The following MYH7 variants were observed in gnomAD, a reference collection of about 807,000 sequenced individuals.
MYH7 encodes myosin-7.
A neutral mutation model predicts 225.4 loss-of-function variants in MYH7; 129 were observed. That is an observed-to-expected ratio of 0.57 (90% CI 0.50 to 0.66). The LOEUF (loss-of-function observed/expected upper bound fraction) is 0.66, where lower values mean the gene tolerates loss of function less well. MYH7 is among the 30% of genes least tolerant of loss of function. MYH7 has a pLI of 0.00. For synonymous variants in MYH7, 971 were observed against 1,007.6 expected (o/e 0.96, Z 0.69); for missense variants, 1,649 against 2,517.0 (o/e 0.66, Z 7.38).
intron 31 of MYH7, 68 bp from the exon 32 acceptor site, chr14:23,417,386 AC>A: frequency 6.2e-7 from 1 of 1,611,636 alleles, no homozygotes; most frequent in Non-Finnish European, 8.5e-7. Context: ...CTGTCTCAGG[AC>A]CTGCCTGGGC....
At chr14:23,422,408 T>TAAATCTTTGTGTTCAGGACTTGGG in intron 24 of MYH7, 83 bp from the exon 25 acceptor site, 1 of 1,595,240 alleles carries the variant, frequency 6.3e-7, no homozygotes, top group Non-Finnish European at 8.6e-7. Flanking sequence ...CAGGACTTGG[T>TAAATCTTTGTGTTCAGGACTTGGG]AAATCTTTGT....
chr14:23,435,420 C>T (rs1428131323), intron 1 of MYH7, among the ~76,000 whole-genome samples, 200 bp downstream of exon 1: 1 of 151,848 alleles, frequency 6.6e-6, no homozygotes, highest in South Asian at 2.1e-4. Context: ...ATATTGGTCC[C>T]ATATGCTCAG....
At chr14:23,422,574 C>CCTTTCTTTCTTTCTTTCTTTCTTTCTTT (rs138565959) in intron 24 of MYH7, among the ~76,000 whole-genome samples, 6 of 146,786 alleles carry the variant, frequency 4.1e-5, no homozygotes, top group African/African-American at 1.6e-4. Context: ...TCTTTCTTTC[C>CCTTTCTTTCTTTCTTTCTTTCTTTCTTT]CTTTCTTTCT....
Position 23,414,102 on chromosome 14 carries a change from T to A in MYH7, c.5560A>T (p.Thr1854Ser). The A allele has an allele frequency of 6.2e-7, 1 of 1,612,078 alleles. No homozygotes were observed. Among genetic ancestry groups the A allele is most frequent in the Non-Finnish European group, 8.5e-7 (1 of 1,179,966 alleles). Residue 1854 changes from threonine (T) to serine (S), a missense_variant and splice_region_variant, in exon 38 of 40, where the codon ACG becomes TCG. This residue lies in a region of MYH7 where 687 missense variants were observed against 913.8 expected (regional missense o/e 0.75). Coordinates refer to ENST00000355349, the MANE Select transcript of MYH7 (RefSeq NM_000257.4). ...ERRIKELTYQ[T>S]EEDRKNLLRL... Reference sequence around the variant, plus strand: ...AGCAGGTTTTTCCTGTCCTCCTCCGTCTGGGGGCCAGAGGGTAGGCAGGGG... The same window carrying A: ...AGCAGGTTTTTCCTGTCCTCCTCCGACTGGGGGCCAGAGGGTAGGCAGGGG...
Position 23,413,778 on chromosome 14 carries a change from C to A in MYH7, c.5771G>T (p.Ser1924Ile), listed in dbSNP as rs786204385. The change falls in exon 39 of 40, where the codon AGC (serine) becomes ATC (isoleucine). Residue 1924 changes from serine (S) to isoleucine (I), a missense_variant. By Grantham distance (142) the Ser-to-Ile change is moderately radical (BLOSUM62 -2). Coordinates refer to ENST00000355349, the MANE Select transcript of MYH7 (RefSeq NM_000257.4). ...ESQVNKLRAK[S>I]RDIGTKGLNE... ...ACCCACCTTCGTGCCAATGTCACGG[C>A]TCTTGGCCCGCAGCTTGTTGACCTG... 6.2e-7 allele frequency: 1 copy of A among 1,614,222 alleles called. No individual in the cohort carries two copies. Among genetic ancestry groups the A allele is most frequent in the South Asian group, 1.1e-5 (1 of 91,078 alleles).
At chr14:23,431,901 C>A in intron 6 of MYH7, 32 bp from the exon 7 acceptor site, 2 of 1,602,756 alleles carry the variant, frequency 1.2e-6, no homozygotes, top group East Asian at 4.5e-5. Context: ...GGGCAGTGAA[C>A]AATACTACTG....
Position 23,417,506 on chromosome 14 carries a change from G to A in MYH7, c.4350C>T (p.Asp1450=), listed in dbSNP as rs1892270412. 1 of 1,612,314 alleles carries A rather than the reference G, an allele frequency of 6.2e-7. No individual in the cohort carries two copies. Among genetic ancestry groups the A allele is most frequent in the Non-Finnish European group, 8.5e-7 (1 of 1,180,032 alleles). The stretch of plus-strand genomic sequence containing the variant: ...GCGGCCCCCACCCAGGGCCCACCTT[G>A]TCGAAGTTCCTCTGCTTCTTGTCCA... ...AALDKKQRNF[D]KILAEWKQKY... is the part of the protein sequence containing the mutation. Residue 1450 remains aspartate, a synonymous_variant, in exon 31 of 40, where the codon GAC becomes GAT. Transcript: ENST00000355349.
intron 30 of MYH7, 111 bp from the exon 31 acceptor site, chr14:23,417,797 C>A (rs1892287870): frequency 1.4e-6 from 2 of 1,425,394 alleles, no homozygotes; most frequent in Admixed American, 1.9e-5. Flanking sequence ...AGAAGTGTAG[C>A]TGGAGAAGCC....
At chr14:23,413,029 G>A (rs551127425) in intron 39 of MYH7, among the ~76,000 whole-genome samples, 158 bp from the exon 40 acceptor site, 5 of 152,318 alleles carry the variant, frequency 3.3e-5, no homozygotes, top group South Asian at 2.1e-4. Context: ...TCCAGGGATC[G>A]ATGTTCGGGG....
At chr14:23,419,328 C>G in intron 28 of MYH7, 33 bp from the exon 29 acceptor site, 2 of 1,613,492 alleles carry the variant, frequency 1.2e-6, no homozygotes, top group Non-Finnish European at 1.7e-6. Context: ...CAGCACTCCT[C>G]TCTATCCCCA....
In MYH7 at chr14:23,431,571, C is replaced by G. The variant is rs762982193; in HGVS notation, c.732+14G>C. The stretch of plus-strand genomic sequence containing the variant: ...CCAGTCCAAGTCCCAAGGCCAAGGT[C>G]AGGGACCACTCACGAAGCGGGAGGA... On this transcript the variant is annotated intron_variant, in intron 8 of 39. Coordinates refer to ENST00000355349, the MANE Select transcript of MYH7 (RefSeq NM_000257.4). 1.9e-6 allele frequency: 3 copies of G among 1,614,118 alleles called. No individual in the cohort carries two copies. The highest frequency in any genetic ancestry group is 1.7e-5 in the Admixed American group (1 of 60,016).
chr14:23,428,852 A>G, intron 14 of MYH7, 103 bp downstream of exon 14: 1 of 1,593,116 alleles, frequency 6.3e-7, no homozygotes, highest in Middle Eastern at 2.0e-4. Context: ...CACAGTCCCC[A>G]CTGCCTTCCC....
At position 23,423,535 on chromosome 14, in the gene MYH7, C is replaced by T; in HGVS notation, c.3099+12G>A. On this transcript the variant is annotated intron_variant, in intron 24 of 39. Coordinates refer to ENST00000355349, the MANE Select transcript of MYH7 (RefSeq NM_000257.4). ...TGGCATATCTAGGCCCCACAACTCT[C>T]AATCTACTCACATCATCCACTTGCT... 1.2e-6 allele frequency: 2 copies of T among 1,613,516 alleles called. No homozygotes were observed. The highest frequency in any genetic ancestry group is 1.7e-6 in the Non-Finnish European group (2 of 1,179,842).
intron 30 of MYH7, chr14:23,417,935 C>T: frequency 2.3e-6 from 2 of 865,948 alleles, no homozygotes; most frequent in South Asian, 2.7e-5. Context: ...GCTTCTGCAG[C>T]CCTCCCCACT....
chr14:23,433,499 C>G lies in MYH7; in HGVS notation c.201+33G>C. ...CTGTCCACCCAGGTGTACAGGTGGC[C>G]AGGGTGGACTCTCACATCAGCCTGA... On this transcript the variant is annotated intron_variant, in intron 3 of 39. Transcript: ENST00000355349. This position sits in a 1 kb window ranked among gnomAD's most constrained non-coding sequence, Gnocchi z 4.1. 3 of 1,609,262 alleles carry G rather than the reference C, an allele frequency of 1.9e-6. No individual in the cohort carries two copies. The highest frequency in any genetic ancestry group is 2.5e-6 in the Non-Finnish European group (3 of 1,177,256).
At position 23,433,565 on chromosome 14, in the gene MYH7, A is replaced by G; in HGVS notation, c.168T>C (p.Gly56=). 3.1e-6 allele frequency: 5 copies of G among 1,614,128 alleles called. No individual in the cohort carries two copies. Among genetic ancestry groups the G allele is most frequent in the Non-Finnish European group, 4.2e-6 (5 of 1,180,030 alleles). The part of the protein sequence containing the change: ...FVKAKIVSRE[G]GKVTAETEYG... Reference sequence around the variant, plus strand: ...ACTCGGTCTCGGCAGTGACTTTGCCACCCTCTCGAGACACGATCTTGGCCT... The same window carrying G: ...ACTCGGTCTCGGCAGTGACTTTGCCGCCCTCTCGAGACACGATCTTGGCCT... The change falls in exon 3 of 40, where the codon GGT becomes GGC. Residue 56 remains glycine (G), a synonymous_variant. Coordinates refer to ENST00000355349, the MANE Select transcript of MYH7 (RefSeq NM_000257.4). This position sits in a 1 kb window ranked among gnomAD's most constrained non-coding sequence, Gnocchi z 4.1.
At chr14:23,432,433 G>A (rs1892986388) in intron 6 of MYH7, 46 bp downstream of exon 6, 1 of 1,611,972 alleles carries the variant, frequency 6.2e-7, no homozygotes, top group Non-Finnish European at 8.5e-7. Flanking sequence ...CTGGAGGCTG[G>A]GATCAGGGAG....
At chr14:23,430,509 G>T (rs1026773530) in intron 11 of MYH7, 51 bp downstream of exon 11, 1 of 1,435,632 alleles carries the variant, frequency 7.0e-7, no homozygotes. Context: ...ACCCCTGTTT[G>T]CCCCTCACTG....
At position 23,432,957 on chromosome 14, in the gene MYH7, A is replaced by G; in HGVS notation, c.345+127T>C. On this transcript the variant is annotated intron_variant, in intron 4 of 39. Transcript: ENST00000355349. ...TCCCCAGAGTGTTGGAATTGAACCA[A>G]GGATGTTGGGACGAGGTTAGAGTGT... The G allele has an allele frequency of 2.6e-6, 4 of 1,521,822 alleles. No individual in the cohort carries two copies. The South Asian group carries it at 3.5e-5, about 13-fold the overall frequency. The allele number at this position is 1,521,822 out of a possible 1,614,324, so 94.3% of individuals were successfully genotyped here.
Sources: allele counts gnomAD v4.1 joint callset (sites outside exome capture counted in the v4.1 genomes callset), GRCh38; gene constraint gnomAD v4.1.1; regional missense constraint gnomAD v4.1.1; non-coding constraint Gnocchi (gnomAD v3.1); transcripts MANE v1.5; gene names NCBI Gene and HGNC (gene_info 2026-07-23, HGNC 2026-07-21).